Variants in KIF5C observed in about 807,000 individuals in gnomAD.
The protein encoded by KIF5C is kinesin heavy chain isoform 5C.
A neutral mutation model predicts 125.2 loss-of-function variants in KIF5C; 18 were observed. That is an observed-to-expected ratio of 0.14 (90% CI 0.10 to 0.21). KIF5C has a LOEUF of 0.21. KIF5C is among the 10% of genes least tolerant of loss of function. The pLI, the probability that KIF5C is intolerant of heterozygous loss-of-function variation, is 1.00. For missense variants in KIF5C, 780 were observed against 1,183.8 expected (o/e 0.66, Z 5.01); for synonymous variants, 405 against 434.0 (o/e 0.93, Z 0.83).
chr2:148,882,049 C>A (rs1458431480), intron 1 of KIF5C, among the ~76,000 whole-genome samples: 1 of 152,078 alleles, frequency 6.6e-6, no homozygotes, highest in Non-Finnish European at 1.5e-5. Context: ...TGCACGTCAA[C>A]CAAGTTCCTC....
chr2:148,979,220 G>T (rs1334710552), intron 13 of KIF5C, among the ~76,000 whole-genome samples: 2 of 152,206 alleles, frequency 1.3e-5, no homozygotes. Flanking sequence ...TGAGTAGCCA[G>T]TGGCTACAGT....
intron 5 of KIF5C, 34 bp from the exon 6 acceptor site, chr2:148,941,901 T>G (rs965363784): frequency 6.3e-7 from 1 of 1,598,712 alleles, no homozygotes; most frequent in Non-Finnish European, 8.5e-7. Flanking sequence ...ACTTTTATTT[T>G]CTTCTTTGCC....
intron 16 of KIF5C, among the ~76,000 whole-genome samples, chr2:148,993,431 G>A (rs1260409401): frequency 2.6e-5 from 4 of 152,156 alleles, no homozygotes; most frequent in Admixed American, 1.3e-4. Context: ...GCAAAGATTC[G>A]ACCATTATTT....
At chr2:148,891,943 C>T (rs1192415274) in intron 1 of KIF5C, among the ~76,000 whole-genome samples, 1 of 152,192 alleles carries the variant, frequency 6.6e-6, no homozygotes, top group Non-Finnish European at 1.5e-5. Flanking sequence ...GGTGATCCAT[C>T]CCTCTTGGCC....
At chr2:148,880,879 T>C (rs942178307) in intron 1 of KIF5C, among the ~76,000 whole-genome samples, 3 of 150,446 alleles carry the variant, frequency 2.0e-5, no homozygotes, top group African/African-American at 7.4e-5. Context: ...ACACAGTCAG[T>C]GAATGGGGTG....
intron 15 of KIF5C, among the ~76,000 whole-genome samples, chr2:148,985,139 G>A (rs754187266): frequency 6.6e-6 from 1 of 151,996 alleles, no homozygotes; most frequent in South Asian, 2.1e-4. Context: ...AAGAGATGTG[G>A]GGATAATAGG....
intron 7 of KIF5C, 62 bp downstream of exon 7, chr2:148,942,822 C>G (rs750191325): frequency 6.4e-7 from 1 of 1,565,904 alleles, no homozygotes; most frequent in African/African-American, 1.4e-5. Context: ...GCCCACCAAC[C>G]GAGGGGGGTG....
chr2:148,966,567 A>G (rs1384144374), intron 11 of KIF5C, among the ~76,000 whole-genome samples: 1 of 151,968 alleles, frequency 6.6e-6, no homozygotes, highest in African/African-American at 2.4e-5. Context: ...AAATTGGTGA[A>G]ATACTGCACT....
intron 3 of KIF5C, chr2:148,935,105 C>T (rs987647547): frequency 3.1e-5 from 12 of 392,060 alleles, no homozygotes; most frequent in Non-Finnish European, 6.1e-5. Context: ...ATTATGAGAA[C>T]ACTCACTTTT....
At chr2:148,892,594 G>A (rs150030021) in intron 1 of KIF5C, among the ~76,000 whole-genome samples, 13 of 152,296 alleles carry the variant, frequency 8.5e-5, no homozygotes, top group African/African-American at 2.6e-4. Context: ...CATCTGAAAG[G>A]CTGTTTAGGA....
chr2:148,885,563 A>T (rs1681494519), intron 1 of KIF5C: 1 of 152,232 alleles, frequency 6.6e-6, no homozygotes, highest in Non-Finnish European at 1.5e-5. Flanking sequence ...CCCATCCTTG[A>T]TGTGAACTGA....
Position 148,950,366 on chromosome 2 carries a change from C to G in KIF5C, c.872C>G (p.Ser291Cys). ...DSKMTRILQD[S>C]LGGNCRTTIV... ...AAGATGACTCGGATTCTTCAGGACT[C>G]TTTGGGTGGGAACTGCAGAACCACC... The change falls in exon 10 of 26, where the codon TCT (serine) becomes TGT (cysteine). Residue 291 changes from serine (S) to cysteine (C), a missense_variant. Around this residue, in one of 2 missense-constraint regions of KIF5C, gnomAD observed 207 missense variants for 441.2 expected, o/e 0.47. Transcript: ENST00000435030. 1 of 1,614,020 alleles carries G rather than the reference C, an allele frequency of 6.2e-7. No homozygotes were observed. Among genetic ancestry groups the G allele is most frequent in the Non-Finnish European group, 8.5e-7 (1 of 1,179,890 alleles).
chr2:148,926,037 C>T (rs1314249135), intron 2 of KIF5C, among the ~76,000 whole-genome samples: 1 of 152,190 alleles, frequency 6.6e-6, no homozygotes, highest in Non-Finnish European at 1.5e-5. Context: ...TCACCAGAAA[C>T]CCTACAGGCC....
At chr2:148,883,059 C>T (rs1681411866) in intron 1 of KIF5C, among the ~76,000 whole-genome samples, 1 of 152,148 alleles carries the variant, frequency 6.6e-6, no homozygotes, top group Non-Finnish European at 1.5e-5. Flanking sequence ...CCAGCTCTGG[C>T]AATTTGTCTT....
intron 11 of KIF5C, among the ~76,000 whole-genome samples, chr2:148,969,467 G>GTGTGTGTGTGT (rs1286684779): frequency 6.7e-6 from 1 of 148,742 alleles, no homozygotes; most frequent in African/African-American, 2.5e-5. Flanking sequence ...GTGTGTATGT[G>GTGTGTGTGTGT]TGTGGGGAGG....
chr2:148,937,163 C>T, intron 3 of KIF5C, 121 bp from the exon 4 acceptor site: 1 of 1,385,804 alleles, frequency 7.2e-7, no homozygotes, highest in Non-Finnish European at 9.6e-7. Context: ...AGCTGGCAGG[C>T]ACACGTGGGT....
chr2:148,991,225 C>T, intron 16 of KIF5C, 27 bp downstream of exon 16: 1 of 1,607,734 alleles, frequency 6.2e-7, no homozygotes, highest in Non-Finnish European at 8.5e-7. Flanking sequence ...CCCATCATTG[C>T]ACTCTTGTTG....
At chr2:148,890,968 A>G (rs1296454622) in intron 1 of KIF5C, among the ~76,000 whole-genome samples, 2 of 152,216 alleles carry the variant, frequency 1.3e-5, no homozygotes, top group Non-Finnish European at 2.9e-5. Flanking sequence ...AGATCACCAG[A>G]TTTCAAGGAA....
chr2:148,944,251 A>G (rs1283104002), intron 7 of KIF5C, among the ~76,000 whole-genome samples: 2 of 152,196 alleles, frequency 1.3e-5, no homozygotes, highest in East Asian at 1.9e-4. Context: ...AATGTGTGCA[A>G]TGTCACCACC....
Sources: gnomAD v4.1 joint callset for allele counts (sites outside exome capture counted in the v4.1 genomes callset) on GRCh38, gnomAD v4.1.1 for gene constraint, gnomAD v4.1.1 regional missense constraint, MANE v1.5 for transcripts, NCBI Gene and HGNC (gene_info 2026-07-23, HGNC 2026-07-21) for gene names.